CORO2B: variants seen among roughly 807,000 people sequenced by gnomAD.
CORO2B encodes coronin-2B.
In CORO2B, 26 loss-of-function variants were observed where a neutral mutation model predicts 58.8. That is an observed-to-expected ratio of 0.44 (90% CI 0.32 to 0.61). The LOEUF (loss-of-function observed/expected upper bound fraction) is 0.61, where lower values mean the gene tolerates loss of function less well. Ranked by LOEUF, CORO2B falls within the 20% of genes least tolerant of loss-of-function variation. The pLI is 0.04. For synonymous variants in CORO2B, 242 were observed against 253.8 expected (o/e 0.95, Z 0.44); for missense variants, 460 against 645.1 (o/e 0.71, Z 3.11).
intron 2 of CORO2B, among the ~76,000 whole-genome samples, chr15:68,692,449 A>G (rs1029416148): frequency 1.3e-5 from 2 of 151,652 alleles, no homozygotes; most frequent in Non-Finnish European, 2.9e-5. Flanking sequence ...GCTGGGCATG[A>G]TGGCTGACAC....
chr15:68,679,351 G>A (rs1000720059), intron 2 of CORO2B, among the ~76,000 whole-genome samples: 7 of 152,162 alleles, frequency 4.6e-5, no homozygotes, highest in Non-Finnish European at 8.8e-5. Flanking sequence ...CACATGCACC[G>A]GGGCAGCTGG....
upstream of CORO2B, among the ~76,000 whole-genome samples, chr15:68,575,627 C>T (rs1357778090): frequency 1.5e-5 from 2 of 137,132 alleles, no homozygotes; most frequent in East Asian, 2.4e-4. Flanking sequence ...TGAGCCAACG[C>T]GCCCAGTGAG....
At chr15:68,687,619 AT>A (rs1649610340) in intron 2 of CORO2B, among the ~76,000 whole-genome samples, 1 of 152,236 alleles carries the variant, frequency 6.6e-6, no homozygotes, top group East Asian at 1.9e-4. Flanking sequence ...ATTTTATTTA[AT>A]TTCAAAGATG....
chr15:68,631,417 TC>T (rs1900825105), intron 1 of CORO2B, among the ~76,000 whole-genome samples: 1 of 152,144 alleles, frequency 6.6e-6, no homozygotes, highest in African/African-American at 2.4e-5. Flanking sequence ...GAACACAAGC[TC>T]CAAAAAGTTA....
At chr15:68,703,988 G>A (rs111349277) in intron 3 of CORO2B, among the ~76,000 whole-genome samples, 4,765 of 151,616 alleles carry the variant, frequency 0.031, 231 homozygotes, top group African/African-American at 0.1. Flanking sequence ...GAGCTCAGGA[G>A]TTCGAGACCA....
chr15:68,589,536 G>A (rs570157864), intron 1 of CORO2B, among the ~76,000 whole-genome samples: 3 of 152,362 alleles, frequency 2.0e-5, no homozygotes, highest in South Asian at 2.1e-4. Context: ...CCATTTTGCA[G>A]AGGAGAAAAC....
intron 2 of CORO2B, among the ~76,000 whole-genome samples, chr15:68,680,567 C>CAT (rs2140302007): frequency 6.6e-6 from 1 of 152,270 alleles, no homozygotes; most frequent in African/African-American, 2.4e-5. Context: ...CCGTCTATGG[C>CAT]ATCATTAATT....
intron 1 of CORO2B, among the ~76,000 whole-genome samples, chr15:68,613,297 C>A (rs1900281729): frequency 6.6e-6 from 1 of 152,158 alleles, no homozygotes; most frequent in African/African-American, 2.4e-5. Flanking sequence ...GGGAAATGAG[C>A]AATTTCTGCA....
chr15:68,644,148 A>G (rs1159492915), intron 1 of CORO2B, among the ~76,000 whole-genome samples: 1 of 152,246 alleles, frequency 6.6e-6, no homozygotes, highest in Non-Finnish European at 1.5e-5. Flanking sequence ...TTAGCGGCTT[A>G]TAACAAAAGT....
chr15:68,598,189 G>A (rs913597540), intron 1 of CORO2B, among the ~76,000 whole-genome samples: 2 of 152,240 alleles, frequency 1.3e-5, no homozygotes, highest in African/African-American at 4.8e-5. Context: ...CCTGGGCTCT[G>A]TAGGCAGCCC....
At chr15:68,641,563 C>T (rs765207736) in intron 1 of CORO2B, 24 of 985,262 alleles carry the variant, frequency 2.4e-5, no homozygotes, top group Non-Finnish European at 2.8e-5. Flanking sequence ...CTGCGGGCCG[C>T]TGAGCGCTCC....
chr15:68,614,350 A>G (rs1053270614), intron 1 of CORO2B, among the ~76,000 whole-genome samples: 1 of 152,244 alleles, frequency 6.6e-6, no homozygotes, highest in African/African-American at 2.4e-5. Context: ...AAAATTGTGC[A>G]TCGCTTCTTT....
chr15:68,655,406 GCC>G (rs1901773041), intron 2 of CORO2B, among the ~76,000 whole-genome samples: 1 of 152,108 alleles, frequency 6.6e-6, no homozygotes, highest in South Asian at 2.1e-4. Flanking sequence ...CCTCCCCAGT[GCC>G]CCAATCCCAG....
At chr15:68,565,146 A>T in the CORO2B span, among the ~76,000 whole-genome samples, 1,703 of 152,306 alleles carry the variant, frequency 0.011, 34 homozygotes, top group African/African-American at 0.037. Context: ...TCTACTGAAC[A>T]TGAATTTAAG....
At chr15:68,613,461 T>C (rs574348389) in intron 1 of CORO2B, among the ~76,000 whole-genome samples, 2 of 152,290 alleles carry the variant, frequency 1.3e-5, no homozygotes, top group South Asian at 4.1e-4. Context: ...TTCCCTTCTT[T>C]CTCTCTATGT....
At chr15:68,563,105 A>G in the CORO2B span, among the ~76,000 whole-genome samples, 283 of 152,068 alleles carry the variant, frequency 1.9e-3, no homozygotes, top group Non-Finnish European at 3.6e-3. Context: ...AAGATCTCAA[A>G]TCAATTACCT....
the CORO2B span, among the ~76,000 whole-genome samples, chr15:68,546,155 C>A: frequency 6.6e-6 from 1 of 152,142 alleles, no homozygotes; most frequent in African/African-American, 2.4e-5. Context: ...CCATTCTATT[C>A]TAGTCCTCTC....
At chr15:68,554,363 A>G in the CORO2B span, among the ~76,000 whole-genome samples, 48 of 152,226 alleles carry the variant, frequency 3.2e-4, no homozygotes, top group African/African-American at 1.1e-3. Context: ...TGAGGGCCCA[A>G]GCAAACCCCA....
chr15:68,528,505 A>G, the CORO2B span, among the ~76,000 whole-genome samples: 1 of 152,126 alleles, frequency 6.6e-6, no homozygotes, highest in Non-Finnish European at 1.5e-5. Context: ...TTTGCATGAT[A>G]TATTATCCCT....
Sources: allele counts gnomAD v4.1 joint callset (sites outside exome capture counted in the v4.1 genomes callset), GRCh38; gene constraint gnomAD v4.1.1; transcripts MANE v1.5; gene names NCBI Gene and HGNC (gene_info 2026-07-23, HGNC 2026-07-21).